The following PITPNM3 variants were observed in gnomAD, a reference collection of about 807,000 sequenced individuals.
PITPNM3 encodes the protein membrane-associated phosphatidylinositol transfer protein 3.
In PITPNM3, 26 loss-of-function variants were observed where a neutral mutation model predicts 102.0. The observed-to-expected ratio is 0.25, with a 90% CI of 0.19 to 0.35. PITPNM3 has a LOEUF of 0.35. PITPNM3 is among the 10% of genes least tolerant of loss of function. PITPNM3 has a pLI of 1.00. For missense variants in PITPNM3, 1,083 were observed against 1,346.1 expected (o/e 0.80, Z 3.06); for synonymous variants, 578 against 558.6 (o/e 1.03, Z -0.49).
At chr17:6,535,467 G>A (rs1222863041) in intron 2 of PITPNM3, among the ~76,000 whole-genome samples, 1 of 152,214 alleles carries the variant, frequency 6.6e-6, no homozygotes, top group African/African-American at 2.4e-5. Flanking sequence ...GGTCCCAGCA[G>A]CCTGTGAGGT....
rs540666581 is a variant in PITPNM3 at position 6,464,866 on chromosome 17, C to T, written c.1891-95G>A. ...TTCCTCAGACTGGCTGGAGGCATAT[C>T]AGCTTGCTGAATCATGTCTCTCTAC... On this transcript the variant is annotated intron_variant, in intron 14 of 19. Transcript: ENST00000262483. The T allele has an allele frequency of 1.6e-4, 186 of 1,156,402 alleles. 2 individuals carry two copies. The African/African-American group carries it at 2.7e-3, about 17-fold the overall frequency. The allele number at this position is 1,156,402 out of a possible 1,614,324, so 71.6% of individuals were successfully genotyped here. A position where few individuals can be genotyped will look rare whatever the true frequency, so the allele number is the denominator to read the frequency against.
intron 2 of PITPNM3, among the ~76,000 whole-genome samples, chr17:6,531,871 G>A (rs1909165317): frequency 6.6e-6 from 1 of 152,202 alleles, no homozygotes; most frequent in Non-Finnish European, 1.5e-5. Flanking sequence ...GGAAGGCTGA[G>A]GCGGACGGAT....
At position 6,461,578 on chromosome 17, in the gene PITPNM3, G is replaced by A. The variant is rs201047969; in HGVS notation, c.2307-22C>T. On this transcript the variant is annotated intron_variant, in intron 17 of 19. Transcript: ENST00000262483. ...GTGCCTGGTGAGATGGCATTAGAAGGGTCCAGCCCTGCCCAGTGCAGGCCA... is the reference window on the plus strand; with the variant it reads ...GTGCCTGGTGAGATGGCATTAGAAGAGTCCAGCCCTGCCCAGTGCAGGCCA... The A allele has an allele frequency of 5.6e-6, 9 of 1,613,050 alleles. No homozygotes were observed. In the Admixed American group the frequency reaches 6.7e-5, roughly 12 times the overall value.
intron 15 of PITPNM3, 104 bp from the exon 16 acceptor site, chr17:6,464,422 T>G: frequency 7.8e-7 from 1 of 1,278,688 alleles, no homozygotes; most frequent in Non-Finnish European, 1.1e-6. Context: ...CTGCCTGACA[T>G]TCCCTGGCTC....
intron 1 of PITPNM3, among the ~76,000 whole-genome samples, chr17:6,548,219 G>C (rs968413682): frequency 3.3e-5 from 5 of 152,170 alleles, no homozygotes; most frequent in African/African-American, 1.2e-4. Flanking sequence ...GACTGCAACT[G>C]AGCAAAGATG....
chr17:6,530,503 G>A (rs938861989), intron 2 of PITPNM3, among the ~76,000 whole-genome samples: 2 of 152,234 alleles, frequency 1.3e-5, no homozygotes, highest in African/African-American at 4.8e-5. Flanking sequence ...GGACCAGCCA[G>A]GCTGGCCACT....
chr17:6,496,068 A>C (rs1262209667), intron 4 of PITPNM3, among the ~76,000 whole-genome samples: 3 of 152,132 alleles, frequency 2.0e-5, no homozygotes, highest in Admixed American at 6.5e-5. Context: ...CTCATGCAGG[A>C]GCCTCTCTGG....
At chr17:6,535,193 C>G (rs1306351784) in intron 2 of PITPNM3, among the ~76,000 whole-genome samples, 2 of 144,970 alleles carry the variant, frequency 1.4e-5, no homozygotes, top group Non-Finnish European at 3.0e-5. Context: ...AGAGACCACA[C>G]CCAGGGTCAG....
chr17:6,516,177 A>G (rs1908162439), intron 3 of PITPNM3, among the ~76,000 whole-genome samples: 1 of 152,238 alleles, frequency 6.6e-6, no homozygotes, highest in Non-Finnish European at 1.5e-5. Flanking sequence ...GCTGTTGGTT[A>G]GAGTCAAAGC....
chr17:6,471,310 G>A lies in PITPNM3; in HGVS notation c.1475C>T (p.Ser492Phe). 1 of 1,610,074 alleles carries A rather than the reference G, an allele frequency of 6.2e-7. No individual in the cohort carries two copies. The change falls in exon 12 of 20, where the codon TCC (serine) becomes TTC (phenylalanine). Residue 492 changes from serine (S) to phenylalanine (F), a missense_variant. Coordinates refer to ENST00000262483, the MANE Select transcript of PITPNM3 (RefSeq NM_031220.4). ...ATCCAGAAGTGGCGGGCTGTCCCGG[G>A]AGCTGCCCTCCAGGAAGAGGGGGCT... ...THSPLFLEGS[S>F]RDSPPLLDAP...
Position 6,505,202 on chromosome 17 carries a change from A to ATATATATATATATATG in PITPNM3, c.227-1629_227-1628insCATATATATATATATA, listed in dbSNP as rs1302510269. On this transcript the variant is annotated intron_variant, in intron 3 of 19. Transcript: ENST00000262483. ...AAAAAAGAAGACAAATAAAATATAT[A>ATATATATATATATATG]TATATATATATATGTAAAGCCTTCA... Among the ~76,000 whole-genome samples the ATATATATATATATATG allele has an allele frequency of 1.7e-3, 247 of 148,262 alleles. 5 individuals are homozygous for ATATATATATATATATG. The highest frequency in any genetic ancestry group is 4.0e-3 in the African/African-American group (158 of 39,520).
In PITPNM3 at chr17:6,556,532, G is replaced by C. The variant is rs1344642583; in HGVS notation, c.-126C>G. 1.6e-6 allele frequency: 1 copy of C among 623,292 alleles called. No homozygotes were observed. The highest frequency in any genetic ancestry group is 2.0e-5 in the African/African-American group (1 of 49,802). 38.6% of individuals were successfully genotyped at this position (623,292 alleles called of 1,614,324 possible). A position where few individuals can be genotyped will look rare whatever the true frequency, so the allele number is the denominator to read the frequency against. On this transcript the variant is annotated 5_prime_UTR_variant, in exon 1 of 20. Transcript: ENST00000262483. This position sits in a 1 kb window ranked among gnomAD's most constrained non-coding sequence, Gnocchi z 5.2. ...CCGCGCCCCCGCCCCGCTCGCCTCG[G>C]CTGCCGCCACCGCAGCCGCCGCCGC...
chr17:6,464,429 G>A, intron 15 of PITPNM3, 111 bp from the exon 16 acceptor site: 1 of 1,238,080 alleles, frequency 8.1e-7, no homozygotes, highest in Non-Finnish European at 1.2e-6. Flanking sequence ...ACATTCCCTG[G>A]CTCCTGCCAG....
intron 8 of PITPNM3, among the ~76,000 whole-genome samples, chr17:6,477,446 G>A (rs1905374877): frequency 6.6e-6 from 1 of 152,182 alleles, no homozygotes; most frequent in South Asian, 2.1e-4. Flanking sequence ...GATGGCTGTC[G>A]AAGGGGCCAA....
rs1388545328 is a variant in PITPNM3 at position 6,503,543 on chromosome 17, G to A, written c.258C>T (p.Ile86=). ...GEGTAPCTSS[I]LQEKQRELYR... ...TTGACTCACGCTGCTTCTCCTGGAG[G>A]ATGCTGGATGTGCACGGCGCGGTCC... is the stretch of plus-strand genomic sequence containing the variant. Residue 86 remains isoleucine (I), a synonymous_variant, in exon 4 of 20, where the codon ATC becomes ATT. Transcript: ENST00000262483. 1 of 1,612,614 alleles carries A rather than the reference G, an allele frequency of 6.2e-7. No homozygotes were observed. Among genetic ancestry groups the A allele is most frequent in the Admixed American group, 1.7e-5 (1 of 60,022 alleles).
At chr17:6,502,125 A>G (rs1246549313) in intron 4 of PITPNM3, among the ~76,000 whole-genome samples, 1 of 152,228 alleles carries the variant, frequency 6.6e-6, no homozygotes, top group Non-Finnish European at 1.5e-5. Flanking sequence ...GGCTTTGTCT[A>G]TGAAATTGCC....
intron 1 of PITPNM3, among the ~76,000 whole-genome samples, chr17:6,550,970 G>T (rs1375332659): frequency 6.6e-6 from 1 of 152,222 alleles, no homozygotes; most frequent in African/African-American, 2.4e-5. Flanking sequence ...TCTGCTGCTG[G>T]GATAGGTGAT....
At chr17:6,499,254 G>C (rs1374915567) in intron 4 of PITPNM3, among the ~76,000 whole-genome samples, 1 of 152,156 alleles carries the variant, frequency 6.6e-6, no homozygotes, top group African/African-American at 2.4e-5. Context: ...ATGAAGGCTG[G>C]GGCTGCCTGG....
intron 17 of PITPNM3, among the ~76,000 whole-genome samples, chr17:6,463,462 GAAAA>G (rs1904591964): frequency 6.6e-6 from 1 of 150,596 alleles, no homozygotes; most frequent in African/African-American, 2.4e-5. Flanking sequence ...AGGGAAGAAG[GAAAA>G]AAGGAAGGAA....
Sources: gnomAD v4.1 joint callset for allele counts (sites outside exome capture counted in the v4.1 genomes callset) on GRCh38, gnomAD v4.1.1 for gene constraint, Gnocchi (gnomAD v3.1) non-coding constraint, MANE v1.5 for transcripts, NCBI Gene and HGNC (gene_info 2026-07-23, HGNC 2026-07-21) for gene names.